Variants in ANK3 observed in about 807,000 individuals in gnomAD.
ANK3 encodes ankyrin 3.
Under a neutral mutation model 370.9 loss-of-function variants are expected in ANK3, and 57 were observed. The observed-to-expected ratio is 0.15, with a 90% CI of 0.12 to 0.19. The LOEUF is 0.19. Among genes scored for constraint, ANK3 ranks in the 10% least tolerant of loss-of-function variants. The probability of loss-of-function intolerance (pLI) is 1.00; values close to 1 mark genes in which losing one functional copy is unlikely to be tolerated. For synonymous variants in ANK3, 1,929 were observed against 1,946.3 expected (o/e 0.99, Z 0.23); for missense variants, 4,439 against 5,302.1 (o/e 0.84, Z 5.06).
chr10:60,261,742 C>G, intron 7 of ANK3, 117 bp downstream of exon 7: 1 of 784,182 alleles, frequency 1.3e-6, no homozygotes, highest in Non-Finnish European at 2.1e-6. Context: ...AAATCATAGC[C>G]TTCACTGACT....
chr10:60,501,531 C>A (rs560210914), intron 2 of ANK3, among the ~76,000 whole-genome samples: 1 of 151,842 alleles, frequency 6.6e-6, no homozygotes, highest in East Asian at 1.9e-4. Context: ...ATGGAGAAAC[C>A]CTGTTTCTAC....
At chr10:60,340,880 A>G (rs1169059755) in intron 1 of ANK3, among the ~76,000 whole-genome samples, 1 of 152,180 alleles carries the variant, frequency 6.6e-6, no homozygotes, top group Non-Finnish European at 1.5e-5. Context: ...CAATGACTCT[A>G]TGAATTCTAT....
intron 2 of ANK3, among the ~76,000 whole-genome samples, chr10:60,541,742 G>T (rs1036998051): frequency 1.3e-5 from 2 of 151,900 alleles, no homozygotes; most frequent in African/African-American, 4.8e-5. Context: ...GCAAACGAGG[G>T]AGTTCCTTTG....
chr10:60,281,079 A>C (rs1454672581), intron 1 of ANK3, among the ~76,000 whole-genome samples: 1 of 151,902 alleles, frequency 6.6e-6, no homozygotes, highest in Non-Finnish European at 1.5e-5. Context: ...AGAAGAAGAA[A>C]ATTCTACCCC....
At chr10:60,060,252 ATAAG>A (rs1364109909) in intron 40 of ANK3, 26 of 314,702 alleles carry the variant, frequency 8.3e-5, no homozygotes, top group Middle Eastern at 9.1e-4. Context: ...TTATGATACA[ATAAG>A]TAAATATGCA....
Position 60,140,891 on chromosome 10 carries a change from C to T in ANK3, c.2615-1804G>A. 3.0e-6 allele frequency: 3 copies of T among 986,154 alleles called. No individual in the cohort carries two copies. In the South Asian group the frequency reaches 1.4e-4, roughly 46 times the overall value. 61.1% of individuals were successfully genotyped at this position (986,154 alleles called of 1,614,324 possible). A position where few individuals can be genotyped will look rare whatever the true frequency, so the allele number is the denominator to read the frequency against. ...TGCTACATTTAATTAGGAGGTGATT[C>T]TTCTCAAATATGAATGAAGAAACAG... On this transcript the variant is annotated intron_variant, in intron 23 of 43. Transcript: ENST00000280772.
chr10:60,606,625 T>C (rs1029134510), intron 2 of ANK3, among the ~76,000 whole-genome samples: 16 of 152,250 alleles, frequency 1.1e-4, no homozygotes, highest in African/African-American at 2.2e-4. Context: ...TTTGACATCA[T>C]TGGAAAAAAC....
intron 2 of ANK3, among the ~76,000 whole-genome samples, chr10:60,458,049 G>A (rs1281798342): frequency 6.6e-6 from 1 of 152,036 alleles, no homozygotes; most frequent in Non-Finnish European, 1.5e-5. Flanking sequence ...AAAGGGGTAA[G>A]GATGGAAAGT....
chr10:60,041,903 T>A (rs2076154725), intron 43 of ANK3, among the ~76,000 whole-genome samples: 1 of 152,126 alleles, frequency 6.6e-6, no homozygotes, highest in Non-Finnish European at 1.5e-5. Context: ...AACTAGAATC[T>A]GTTTGCTCTT....
intron 2 of ANK3, among the ~76,000 whole-genome samples, chr10:60,484,336 A>T (rs1010425501): frequency 2.0e-5 from 3 of 152,228 alleles, no homozygotes; most frequent in Admixed American, 1.3e-4. Context: ...GGTATTCATT[A>T]TTCAAATCTT....
chr10:60,247,238 C>T (rs544294298), intron 7 of ANK3, among the ~76,000 whole-genome samples: 4 of 152,138 alleles, frequency 2.6e-5, no homozygotes, highest in Admixed American at 6.5e-5. Flanking sequence ...AGGATGGTCT[C>T]GATCTCCTGA....
intron 2 of ANK3, among the ~76,000 whole-genome samples, chr10:60,610,654 T>C (rs2078188553): frequency 1.3e-5 from 1 of 79,964 alleles, no homozygotes; most frequent in African/African-American, 3.7e-5. Context: ...TAAGTCATTT[T>C]CCAGGGCAAA....
intron 1 of ANK3, among the ~76,000 whole-genome samples, chr10:60,682,870 C>T (rs1286539247): frequency 6.6e-6 from 1 of 152,204 alleles, no homozygotes; most frequent in Admixed American, 6.5e-5. Flanking sequence ...TTTCCCTGAG[C>T]TCTGTCAGCT....
chr10:60,043,305 C>A, intron 42 of ANK3: 1 of 985,386 alleles, frequency 1.0e-6, no homozygotes. Flanking sequence ...CACAAATACT[C>A]AGTTTTTACC....
At chr10:60,428,095 T>C (rs1470388110) in intron 2 of ANK3, among the ~76,000 whole-genome samples, 1 of 152,128 alleles carries the variant, frequency 6.6e-6, no homozygotes, top group Non-Finnish European at 1.5e-5. Flanking sequence ...TAATACCCAA[T>C]TCTGAAAGGT....
intron 25 of ANK3, among the ~76,000 whole-genome samples, chr10:60,120,293 G>T (rs552232308): frequency 1.3e-5 from 2 of 151,922 alleles, no homozygotes; most frequent in Non-Finnish European, 2.9e-5. Flanking sequence ...CCTATCTCTC[G>T]CCATATACAA....
At position 60,173,126 on chromosome 10, in the gene ANK3, G is replaced by A; in HGVS notation, c.2245C>T (p.Leu749=). The A allele has an allele frequency of 6.2e-7, 1 of 1,614,114 alleles. No individual in the cohort carries two copies. The highest frequency in any genetic ancestry group is 8.5e-7 in the Non-Finnish European group (1 of 1,179,996). Residue 749 remains leucine, a synonymous_variant, in exon 19 of 44, where the codon CTG becomes TTG. Transcript: ENST00000280772. The part of the protein sequence containing the change: ...HYGNIKIVNF[L]LQHSAKVNAK... Reference sequence around the variant, plus strand: ...TTAACTTTTGCAGAATGCTGGAGCAGGAAATTAACAATCTTGATATTTCCA... The same window carrying A: ...TTAACTTTTGCAGAATGCTGGAGCAAGAAATTAACAATCTTGATATTTCCA...
chr10:60,337,023 C>CT (rs199693097), intron 1 of ANK3, among the ~76,000 whole-genome samples: 26 of 109,496 alleles, frequency 2.4e-4, no homozygotes, highest in African/African-American at 6.7e-4. Context: ...AAGAAAAAGG[C>CT]TTTAAAAAAA....
chr10:60,178,013 A>T (rs1442492272), intron 18 of ANK3, among the ~76,000 whole-genome samples: 1 of 152,096 alleles, frequency 6.6e-6, no homozygotes, highest in East Asian at 1.9e-4. Flanking sequence ...CAAGGTTTAA[A>T]ATCAACTTAT....
Sources: allele counts gnomAD v4.1 joint callset (sites outside exome capture counted in the v4.1 genomes callset), GRCh38; gene constraint gnomAD v4.1.1; transcripts MANE v1.5; gene names NCBI Gene and HGNC (gene_info 2026-07-23, HGNC 2026-07-21).